Variants in LRP1B observed in about 807,000 individuals in gnomAD.
LRP1B encodes the protein low-density lipoprotein receptor-related protein 1B.
Under a neutral mutation model 556.6 loss-of-function variants are expected in LRP1B, and 217 were observed. The ratio of observed to expected loss-of-function variants is 0.39; its 90% CI spans 0.35 to 0.44. The LOEUF (loss-of-function observed/expected upper bound fraction) is 0.44. LRP1B is among the 20% of genes least tolerant of loss of function. The pLI is 1.00. For synonymous variants in LRP1B, 2,047 were observed against 1,865.8 expected (o/e 1.10, Z -2.50); for missense variants, 5,053 against 5,620.8 (o/e 0.90, Z 3.23).
chr2:140,650,118 T>C (rs1053481939), intron 41 of LRP1B, among the ~76,000 whole-genome samples: 2 of 151,870 alleles, frequency 1.3e-5, no homozygotes, highest in Admixed American at 6.6e-5. Context: ...TTAGTGCAAA[T>C]ATAAAGTTTT....
At chr2:141,172,756 C>G (rs1399818792) in intron 7 of LRP1B, among the ~76,000 whole-genome samples, 1 of 151,730 alleles carries the variant, frequency 6.6e-6, no homozygotes, top group Non-Finnish European at 1.5e-5. Context: ...ATTATAAAAC[C>G]AGGAATGACT....
chr2:140,641,441 A>G (rs148837656), intron 41 of LRP1B, among the ~76,000 whole-genome samples: 2,661 of 152,354 alleles, frequency 0.017, 43 homozygotes, highest in Admixed American at 0.047. Context: ...GGATAAGCTT[A>G]CTGAAATTAA....
At chr2:141,514,562 C>A (rs1292290489) in intron 2 of LRP1B, among the ~76,000 whole-genome samples, 1 of 152,050 alleles carries the variant, frequency 6.6e-6, no homozygotes. Context: ...AAGCTGGGCA[C>A]AGGTCAGAAA....
At chr2:141,471,315 T>C (rs946145376) in intron 3 of LRP1B, among the ~76,000 whole-genome samples, 2 of 149,044 alleles carry the variant, frequency 1.3e-5, no homozygotes, top group Admixed American at 6.7e-5. Flanking sequence ...TTTTTGTGGT[T>C]CTATGAAATG....
At chr2:140,588,962 C>CAAAG (rs1478477722) in intron 43 of LRP1B, among the ~76,000 whole-genome samples, 1 of 75,150 alleles carries the variant, frequency 1.3e-5, no homozygotes, top group Non-Finnish European at 2.7e-5. Context: ...GACTCCGTCT[C>CAAAG]AAAGAAAAAA....
intron 7 of LRP1B, among the ~76,000 whole-genome samples, chr2:141,106,917 T>G (rs1401521191): frequency 6.6e-6 from 1 of 152,180 alleles, no homozygotes; most frequent in Non-Finnish European, 1.5e-5. Flanking sequence ...TTCCTAAAAA[T>G]AATTTTATCA....
At chr2:141,715,148 C>T (rs1005447990) in intron 2 of LRP1B, among the ~76,000 whole-genome samples, 1 of 152,028 alleles carries the variant, frequency 6.6e-6, no homozygotes, top group African/African-American at 2.4e-5. Flanking sequence ...AGGTATTATT[C>T]CTGCTTGACT....
chr2:140,923,195 G>A (rs1694792142), intron 20 of LRP1B, 48 bp from the exon 21 acceptor site: 1 of 1,393,844 alleles, frequency 7.2e-7, no homozygotes. Flanking sequence ...CAAGACAGGA[G>A]AGAAATTATG....
intron 3 of LRP1B, among the ~76,000 whole-genome samples, chr2:141,362,338 T>C (rs1273744592): frequency 6.6e-6 from 1 of 152,198 alleles, no homozygotes; most frequent in Admixed American, 6.5e-5. Context: ...ATGACATGCA[T>C]TGCATTTTGG....
intron 41 of LRP1B, among the ~76,000 whole-genome samples, chr2:140,616,136 C>A (rs1290700277): frequency 6.6e-6 from 1 of 151,864 alleles, no homozygotes; most frequent in Non-Finnish European, 1.5e-5. Flanking sequence ...AATGATGGAG[C>A]TATTAATAGT....
rs574509473 is a variant in LRP1B, at chr2:141,609,557, T to C, written c.206-129024A>G. On this transcript the variant is annotated intron_variant, in intron 2 of 90. Transcript: ENST00000389484. ...GTGTTTGTTTTTAATATAACTCACT[T>C]AATTGTATGCTTATATTATTTCTTT... 1.4e-4 allele frequency among the ~76,000 whole-genome samples: 22 copies of C among 152,354 alleles called. No individual in the cohort carries two copies. The South Asian group carries it at 4.3e-3, about 30-fold the overall frequency.
At chr2:141,342,653 T>C (rs13383029) in intron 3 of LRP1B, among the ~76,000 whole-genome samples, 22,159 of 151,708 alleles carry the variant, frequency 0.15, 4,018 homozygotes, top group African/African-American at 0.43. Context: ...TGAAATAAAG[T>C]GTGAAGACAA....
chr2:140,399,282 G>A (rs1684392976), intron 66 of LRP1B, among the ~76,000 whole-genome samples: 1 of 151,428 alleles, frequency 6.6e-6, no homozygotes, highest in Non-Finnish European at 1.5e-5. Context: ...ATAGATTCCT[G>A]GAGAATTGCA....
intron 1 of LRP1B, among the ~76,000 whole-genome samples, chr2:141,990,266 G>C (rs1435401881): frequency 2.0e-5 from 3 of 151,928 alleles, no homozygotes; most frequent in African/African-American, 7.2e-5. Context: ...TACTTGTAAA[G>C]AAGTACTTCA....
intron 3 of LRP1B, among the ~76,000 whole-genome samples, chr2:141,317,475 T>A (rs1687078177): frequency 2.0e-5 from 3 of 152,152 alleles, no homozygotes; most frequent in Admixed American, 2.0e-4. Context: ...CCCACCCTTA[T>A]AATCTCATTT....
At chr2:141,078,400 C>T (rs1699844816) in intron 7 of LRP1B, among the ~76,000 whole-genome samples, 1 of 152,190 alleles carries the variant, frequency 6.6e-6, no homozygotes, top group Admixed American at 6.5e-5. Flanking sequence ...CCACCCCTGC[C>T]TCCTTCTCCT....
At chr2:140,755,340 A>G (rs956293732) in intron 35 of LRP1B, among the ~76,000 whole-genome samples, 1 of 152,072 alleles carries the variant, frequency 6.6e-6, no homozygotes, top group Non-Finnish European at 1.5e-5. Context: ...TTACCCTGAT[A>G]GCAAAGCCAA....
chr2:140,487,353 T>C (rs963354324), intron 58 of LRP1B, among the ~76,000 whole-genome samples: 1 of 151,956 alleles, frequency 6.6e-6, no homozygotes, highest in African/African-American at 2.4e-5. Context: ...CCATCCCATT[T>C]CCTAGGGTTG....
At chr2:141,223,509 C>T (rs1683123886) in intron 6 of LRP1B, among the ~76,000 whole-genome samples, 1 of 152,144 alleles carries the variant, frequency 6.6e-6, no homozygotes, top group Admixed American at 6.5e-5. Context: ...CATTGACATT[C>T]TTCAGTGAAT....
Sources: allele counts gnomAD v4.1 joint callset (sites outside exome capture counted in the v4.1 genomes callset), GRCh38; gene constraint gnomAD v4.1.1; transcripts MANE v1.5; gene names NCBI Gene and HGNC (gene_info 2026-07-23, HGNC 2026-07-21).